SLC35F4: variants seen among roughly 807,000 people sequenced by gnomAD.
SLC35F4 encodes the protein solute carrier family 35 member F4.
A neutral mutation model predicts 44.2 loss-of-function variants in SLC35F4; 24 were observed. That is an observed-to-expected ratio of 0.54 (90% CI 0.39 to 0.76). The LOEUF (loss-of-function observed/expected upper bound fraction) is 0.76. Ranked by LOEUF, SLC35F4 falls within the 30% of genes least tolerant of loss-of-function variation. The pLI, the probability that SLC35F4 is intolerant of heterozygous loss-of-function variation, is 0.00. For missense variants in SLC35F4, 562 were observed against 586.1 expected, an observed-to-expected ratio of 0.96 and a Z score of 0.42; for synonymous variants, 238 against 223.6, an observed-to-expected ratio of 1.06 and a Z score of -0.57.
chr14:57,651,597 T>C (rs2073786389), intron 1 of SLC35F4, among the ~76,000 whole-genome samples: 1 of 152,006 alleles, frequency 6.6e-6, no homozygotes, highest in South Asian at 2.1e-4. Flanking sequence ...ACTGGCCCTT[T>C]GAGCATGAGG....
intron 1 of SLC35F4, among the ~76,000 whole-genome samples, chr14:57,855,784 C>A (rs572663866): frequency 6.6e-6 from 1 of 152,236 alleles, no homozygotes; most frequent in African/African-American, 2.4e-5. Context: ...GACTTGGAAC[C>A]AACCCAAATG....
intron 1 of SLC35F4, among the ~76,000 whole-genome samples, chr14:57,649,175 C>T (rs1430170723): frequency 6.6e-6 from 1 of 152,140 alleles, no homozygotes; most frequent in African/African-American, 2.4e-5. Flanking sequence ...ATAATTACTC[C>T]CTTTATTTGT....
At chr14:57,740,906 C>T (rs1248301383) in intron 1 of SLC35F4, among the ~76,000 whole-genome samples, 3 of 152,126 alleles carry the variant, frequency 2.0e-5, no homozygotes, top group Non-Finnish European at 2.9e-5. Flanking sequence ...CTCACACGGC[C>T]GGGTGCCCCT....
intron 1 of SLC35F4, among the ~76,000 whole-genome samples, chr14:57,948,821 A>T (rs1476489866): frequency 6.6e-6 from 1 of 152,086 alleles, no homozygotes; most frequent in South Asian, 2.1e-4. Flanking sequence ...AAATTATTTA[A>T]TTTCCATGTA....
chr14:57,696,575 C>CTTCTACTATAA (rs2075389629), intron 1 of SLC35F4, among the ~76,000 whole-genome samples: 1 of 152,128 alleles, frequency 6.6e-6, no homozygotes, highest in Non-Finnish European at 1.5e-5. Context: ...GGCATATACC[C>CTTCTACTATAA]AAAGGATTAT....
chr14:57,897,548 A>C (rs976213481), intron 1 of SLC35F4, among the ~76,000 whole-genome samples: 2 of 151,788 alleles, frequency 1.3e-5, no homozygotes, highest in Non-Finnish European at 2.9e-5. Flanking sequence ...CCTCCACCCC[A>C]ATGTGTGGCT....
intron 1 of SLC35F4, among the ~76,000 whole-genome samples, chr14:57,853,787 A>C (rs757340980): frequency 3.3e-5 from 5 of 152,162 alleles, no homozygotes; most frequent in African/African-American, 4.8e-5. Flanking sequence ...ACAGAGCAAG[A>C]AGTCTTCCTG....
chr14:57,731,322 T>A lies in SLC35F4; in HGVS notation c.103+134401A>T, dbSNP rs538301322. On this transcript the variant is annotated intron_variant, in intron 1 of 7. Transcript: ENST00000556826. ...GCAGGAGTTTACACTTAACACTACA[T>A]GATTTTGACAAACACCTGCCATTAT... Among the ~76,000 whole-genome samples the A allele has an allele frequency of 2.5e-4, 38 of 152,332 alleles. No individual in the cohort carries two copies. In the South Asian group the frequency reaches 3.7e-3, roughly 15 times the overall value.
chr14:57,590,826 T>A (rs2070128351), intron 2 of SLC35F4, among the ~76,000 whole-genome samples: 1 of 152,220 alleles, frequency 6.6e-6, no homozygotes, highest in Non-Finnish European at 1.5e-5. Context: ...TGGATGGGGC[T>A]GCTCACTTTG....
intron 1 of SLC35F4, chr14:57,630,103 T>G: frequency 1.8e-6 from 1 of 546,034 alleles, no homozygotes; most frequent in East Asian, 5.0e-5. Flanking sequence ...TGAAGATGCT[T>G]ACATAATTTG....
intron 1 of SLC35F4, among the ~76,000 whole-genome samples, chr14:57,818,108 T>G (rs1356845238): frequency 6.6e-6 from 1 of 152,164 alleles, no homozygotes; most frequent in Admixed American, 6.5e-5. Flanking sequence ...AATTTGGTAA[T>G]GGCAGAGGCC....
intron 1 of SLC35F4, among the ~76,000 whole-genome samples, chr14:57,654,248 G>A (rs960795204): frequency 2.6e-5 from 4 of 152,142 alleles, no homozygotes. Context: ...CACCCAAGCA[G>A]TATACACTGT....
intron 1 of SLC35F4, among the ~76,000 whole-genome samples, chr14:57,684,447 G>T (rs917978735): frequency 6.6e-6 from 1 of 152,154 alleles, no homozygotes; most frequent in Non-Finnish European, 1.5e-5. Flanking sequence ...ATGCAACCTA[G>T]ATCCCTCACA....
intron 1 of SLC35F4, among the ~76,000 whole-genome samples, chr14:57,649,332 T>C (rs546821423): frequency 4.0e-4 from 61 of 152,330 alleles, no homozygotes; most frequent in African/African-American, 1.5e-3. Context: ...ACATTCCTTC[T>C]GGAGGTTCCA....
intron 1 of SLC35F4, among the ~76,000 whole-genome samples, chr14:57,745,976 C>G (rs200299123): frequency 2.0e-5 from 3 of 151,874 alleles, no homozygotes; most frequent in Non-Finnish European, 4.4e-5. Flanking sequence ...AGCAAACTAT[C>G]GCAAGGACAA....
intron 1 of SLC35F4, among the ~76,000 whole-genome samples, chr14:57,915,819 G>A (rs1299403063): frequency 1.3e-5 from 2 of 152,086 alleles, no homozygotes; most frequent in Non-Finnish European, 2.9e-5. Context: ...ACTTTTTCCA[G>A]TTCTGGGGTC....
Position 57,686,999 on chromosome 14 carries a change from A to T in SLC35F4, c.104-92875T>A, listed in dbSNP as rs540545094. On this transcript the variant is annotated intron_variant, in intron 1 of 7. Transcript: ENST00000556826. The stretch of plus-strand genomic sequence containing the variant: ...TTAAGATGGCCCTTAATTCAATATA[A>T]CTGGTGTCCTTACAAGAAAAAGAGA... 3.3e-5 allele frequency among the ~76,000 whole-genome samples: 5 copies of T among 152,204 alleles called. 1 individual carries two copies. The highest frequency in any genetic ancestry group is 2.1e-4 in the South Asian group (1 of 4,812).
At chr14:57,793,885 T>C (rs746504533) in intron 1 of SLC35F4, among the ~76,000 whole-genome samples, 25 of 152,130 alleles carry the variant, frequency 1.6e-4, no homozygotes, top group Non-Finnish European at 3.4e-4. Context: ...TAGAACAGAA[T>C]AGATAACCCA....
At chr14:57,572,160 T>C in intron 4 of SLC35F4, 141 bp from the exon 5 acceptor site, 1 of 928,424 alleles carries the variant, frequency 1.1e-6, no homozygotes, top group Non-Finnish European at 1.6e-6. Flanking sequence ...GTAGGAAGGC[T>C]CAGTATTAGA....
Sources: gnomAD v4.1 joint callset for allele counts (sites outside exome capture counted in the v4.1 genomes callset) on GRCh38, gnomAD v4.1.1 for gene constraint, MANE v1.5 for transcripts, NCBI Gene and HGNC (gene_info 2026-07-23, HGNC 2026-07-21) for gene names.